Variants in ADAMTS18 observed in about 807,000 individuals in gnomAD.
The protein encoded by ADAMTS18 is A disintegrin and metalloproteinase with thrombospondin motifs 18.
ADAMTS18 carries 157 observed loss-of-function variants against 165.9 expected under a neutral mutation model. That is an observed-to-expected ratio of 0.95 (90% CI 0.83 to 1.08). The LOEUF is 1.08. ADAMTS18 is among the 50% of genes least tolerant of loss of function. The pLI is 0.00. For missense variants in ADAMTS18, 2,040 were observed against 1,534.0 expected, an observed-to-expected ratio of 1.33 and a Z score of -5.51; for synonymous variants, 782 against 578.2, an observed-to-expected ratio of 1.35 and a Z score of -5.06.
chr16:77,296,496 T>G (rs796533244), intron 18 of ADAMTS18, among the ~76,000 whole-genome samples: 3 of 152,344 alleles, frequency 2.0e-5, no homozygotes, highest in African/African-American at 7.2e-5. Context: ...GATTCTGTGT[T>G]ATTTAAATAT....
At chr16:77,384,915 T>G (rs893655888) in intron 3 of ADAMTS18, among the ~76,000 whole-genome samples, 2 of 152,012 alleles carry the variant, frequency 1.3e-5, no homozygotes, top group African/African-American at 4.8e-5. Flanking sequence ...ATAAGGTTTT[T>G]TTTTTTTTTT....
intron 3 of ADAMTS18, among the ~76,000 whole-genome samples, chr16:77,429,455 T>C (rs997288356): frequency 2.0e-5 from 3 of 152,042 alleles, no homozygotes; most frequent in East Asian, 3.9e-4. Context: ...TCGGAGAAGA[T>C]AGAGGAACAG....
At chr16:77,320,957 G>C in intron 15 of ADAMTS18, 122 bp downstream of exon 15, 1 of 1,242,046 alleles carries the variant, frequency 8.1e-7, no homozygotes, top group Admixed American at 1.7e-5. Flanking sequence ...AGTGAAAAAT[G>C]CCACCATCAC....
chr16:77,345,633 C>T (rs1567501007), intron 10 of ADAMTS18, among the ~76,000 whole-genome samples: 1 of 152,170 alleles, frequency 6.6e-6, no homozygotes, highest in South Asian at 2.1e-4. Context: ...TAGTTACTTT[C>T]TACATGTGGC....
At chr16:77,411,127 T>C (rs1023545396) in intron 3 of ADAMTS18, among the ~76,000 whole-genome samples, 1 of 152,210 alleles carries the variant, frequency 6.6e-6, no homozygotes, top group Non-Finnish European at 1.5e-5. Context: ...TGATGCTTGA[T>C]GCTTATTGAG....
intron 13 of ADAMTS18, among the ~76,000 whole-genome samples, chr16:77,323,707 G>T (rs990836472): frequency 2.0e-5 from 3 of 152,054 alleles, no homozygotes; most frequent in Admixed American, 6.6e-5. Context: ...TAAATTGCAG[G>T]AATGTCACAA....
chr16:77,286,066 C>G (rs2055244738), intron 22 of ADAMTS18, among the ~76,000 whole-genome samples: 1 of 152,138 alleles, frequency 6.6e-6, no homozygotes, highest in African/African-American at 2.4e-5. Flanking sequence ...GGCCTCCAGT[C>G]CCACTTTTCA....
rs369268389 is a variant in ADAMTS18, at chr16:77,351,560, C to T, written c.1614+2173G>A. On this transcript the variant is annotated intron_variant, in intron 10 of 22. Coordinates refer to ENST00000282849, the MANE Select transcript of ADAMTS18 (RefSeq NM_199355.4). ...AAAATTATACTTATTACCAACTGTGCTTTTGCTGCATAGTATGTAATAAAT... is the reference window on the plus strand; with the variant it reads ...AAAATTATACTTATTACCAACTGTGTTTTTGCTGCATAGTATGTAATAAAT... 8.1e-4 allele frequency among the ~76,000 whole-genome samples: 123 copies of T among 152,242 alleles called. 1 individual carries two copies. Among genetic ancestry groups the T allele is most frequent in the East Asian group, 4.8e-3 (25 of 5,178 alleles).
chr16:77,303,744 A>ACT (rs1445883170), intron 16 of ADAMTS18, among the ~76,000 whole-genome samples: 11 of 152,314 alleles, frequency 7.2e-5, no homozygotes, highest in African/African-American at 2.6e-4. Context: ...TTAAAAATCA[A>ACT]GTGCTAGGGC....
intron 17 of ADAMTS18, 89 bp downstream of exon 17, chr16:77,300,174 T>G: frequency 6.6e-7 from 1 of 1,517,178 alleles, no homozygotes; most frequent in Non-Finnish European, 9.1e-7. Context: ...GGTGGCTTAT[T>G]TAAACCATAT....
At chr16:77,339,892 G>T (rs1319521750) in intron 11 of ADAMTS18, among the ~76,000 whole-genome samples, 1 of 151,052 alleles carries the variant, frequency 6.6e-6, no homozygotes, top group East Asian at 1.9e-4. Flanking sequence ...GTGAATAAAT[G>T]TCCTAACAAA....
chr16:77,371,271 G>C (rs574371661), intron 3 of ADAMTS18, among the ~76,000 whole-genome samples: 1 of 151,772 alleles, frequency 6.6e-6, no homozygotes, highest in Admixed American at 6.6e-5. Flanking sequence ...AAAGAAAAAA[G>C]AAAACACAAT....
chr16:77,312,049 A>C lies in ADAMTS18; in HGVS notation c.2532+7800T>G, dbSNP rs555911582. Among the ~76,000 whole-genome samples the C allele has an allele frequency of 1.9e-3, 295 of 152,128 alleles. 3 individuals are homozygous for C. The highest frequency in any genetic ancestry group is 0.017 in the Middle Eastern group (5 of 294). On this transcript the variant is annotated intron_variant, in intron 16 of 22. Transcript: ENST00000282849. ...ACATATCCAATTGAACCTGGGGAAG[A>C]CTTCGTTTTTATGATTTTATTTAGA...
intron 12 of ADAMTS18, among the ~76,000 whole-genome samples, chr16:77,326,709 T>C (rs1002783398): frequency 7.5e-4 from 114 of 152,244 alleles, no homozygotes; most frequent in African/African-American, 2.7e-3. Context: ...TGTTTTTAAA[T>C]TTTTTAAATT....
At chr16:77,403,999 TCCTC>T (rs71137814) in intron 3 of ADAMTS18, among the ~76,000 whole-genome samples, 84,638 of 139,604 alleles carry the variant, frequency 0.61, 26,339 homozygotes, top group Non-Finnish European at 0.7. Context: ...AACCCACCCT[TCCTC>T]CCTCCCTCCC....
intron 3 of ADAMTS18, among the ~76,000 whole-genome samples, chr16:77,376,806 ATTC>A (rs929463029): frequency 1.7e-5 from 2 of 118,454 alleles, no homozygotes; most frequent in Non-Finnish European, 3.5e-5. Flanking sequence ...GGCCTAAATC[ATTC>A]TTTTTTTTTT....
chr16:77,328,206 C>A (rs181059589), intron 12 of ADAMTS18, among the ~76,000 whole-genome samples: 1 of 152,234 alleles, frequency 6.6e-6, no homozygotes, highest in East Asian at 1.9e-4. Context: ...AAGAGCACCA[C>A]CACATTGAAA....
chr16:77,431,864 A>G, intron 2 of ADAMTS18: 1 of 550,740 alleles, frequency 1.8e-6, no homozygotes, highest in Middle Eastern at 5.1e-4. Context: ...ATGTCTGTGG[A>G]AAAATGTAAC....
chr16:77,381,297 G>C (rs1597202046), intron 3 of ADAMTS18, among the ~76,000 whole-genome samples: 1 of 152,010 alleles, frequency 6.6e-6, no homozygotes, highest in South Asian at 2.1e-4. Flanking sequence ...GTTCCAGAGA[G>C]GGTGGGGGTG....
Sources: gnomAD v4.1 joint callset for allele counts (sites outside exome capture counted in the v4.1 genomes callset) on GRCh38, gnomAD v4.1.1 for gene constraint, MANE v1.5 for transcripts, NCBI Gene and HGNC (gene_info 2026-07-23, HGNC 2026-07-21) for gene names.